Variants in ST8SIA6 observed in about 807,000 individuals in gnomAD.
The protein encoded by ST8SIA6 is alpha-2,8-sialyltransferase 8F.
In ST8SIA6, 39 loss-of-function variants were observed where a neutral mutation model predicts 33.6. That is an observed-to-expected ratio of 1.16 (90% CI 0.90 to 1.52). The LOEUF (loss-of-function observed/expected upper bound fraction) is 1.52. ST8SIA6 is among the 40% of genes most tolerant of loss of function. ST8SIA6 has a pLI of 0.00. For missense variants in ST8SIA6, 441 were observed against 443.8 expected (o/e 0.99, Z 0.06); for synonymous variants, 172 against 167.2 (o/e 1.03, Z -0.22).
intron 3 of ST8SIA6, among the ~76,000 whole-genome samples, chr10:17,360,565 C>G (rs1274787009): frequency 1.5e-5 from 2 of 130,364 alleles, no homozygotes; most frequent in African/African-American, 2.9e-5. Flanking sequence ...AATGCATGAA[C>G]TATAGAACAA....
intron 2 of ST8SIA6, among the ~76,000 whole-genome samples, chr10:17,419,585 G>T (rs150639098): frequency 6.6e-6 from 1 of 152,106 alleles, no homozygotes; most frequent in Non-Finnish European, 1.5e-5. Context: ...ACACAGTCGC[G>T]TTTCCATTGC....
At chr10:17,325,985 G>T (rs949094733) in intron 6 of ST8SIA6, among the ~76,000 whole-genome samples, 8 of 152,168 alleles carry the variant, frequency 5.3e-5, no homozygotes, top group Admixed American at 2.0e-4. Context: ...ACTGCAAGAA[G>T]AATTATCTTC....
At chr10:17,384,272 A>ACGAAACT (rs1422962095) in intron 3 of ST8SIA6, among the ~76,000 whole-genome samples, 1 of 152,236 alleles carries the variant, frequency 6.6e-6, no homozygotes, top group African/African-American at 2.4e-5. Flanking sequence ...GAGGAAATTC[A>ACGAAACT]CGAAACTCGT....
At chr10:17,427,001 T>C (rs898098100) in intron 2 of ST8SIA6, among the ~76,000 whole-genome samples, 4 of 151,052 alleles carry the variant, frequency 2.6e-5, no homozygotes, top group African/African-American at 9.8e-5. Flanking sequence ...ACTTGGGAGG[T>C]TGAGACAGGA....
chr10:17,358,184 A>G (rs1849259026), intron 4 of ST8SIA6, among the ~76,000 whole-genome samples: 1 of 152,102 alleles, frequency 6.6e-6, no homozygotes, highest in Admixed American at 6.6e-5. Context: ...AGATATACCC[A>G]TTTTAGCTTT....
chr10:17,438,620 C>G (rs1852365743), intron 2 of ST8SIA6, among the ~76,000 whole-genome samples: 2 of 152,210 alleles, frequency 1.3e-5, no homozygotes, highest in Non-Finnish European at 2.9e-5. Context: ...CTTTCCCTTC[C>G]CTTCCTACAC....
intron 4 of ST8SIA6, among the ~76,000 whole-genome samples, chr10:17,352,480 T>C (rs563698387): frequency 9.8e-5 from 15 of 152,312 alleles, no homozygotes; most frequent in African/African-American, 3.6e-4. Flanking sequence ...ATTGTACCAG[T>C]GTAAACAATG....
chr10:17,339,346 G>T (rs1848603140), intron 4 of ST8SIA6, among the ~76,000 whole-genome samples: 1 of 152,216 alleles, frequency 6.6e-6, no homozygotes, highest in South Asian at 2.1e-4. Context: ...TAAACTCTGA[G>T]CCTCCCTAAT....
chr10:17,373,509 C>T (rs1009913520), intron 3 of ST8SIA6, among the ~76,000 whole-genome samples: 1 of 152,152 alleles, frequency 6.6e-6, no homozygotes, highest in Non-Finnish European at 1.5e-5. Flanking sequence ...CTATGGTCCA[C>T]GCTGGAGACT....
chr10:17,393,421 A>G (rs914652579), intron 2 of ST8SIA6, among the ~76,000 whole-genome samples: 2 of 152,220 alleles, frequency 1.3e-5, no homozygotes, highest in African/African-American at 4.8e-5. Flanking sequence ...TGGCACCTTC[A>G]TTTCAATAAG....
intron 4 of ST8SIA6, among the ~76,000 whole-genome samples, chr10:17,340,876 AC>A (rs1262037778): frequency 1.1e-4 from 17 of 152,024 alleles, no homozygotes; most frequent in Admixed American, 1.1e-3. Context: ...TAGAAGACTT[AC>A]CCCCTGCACC....
chr10:17,336,997 A>G (rs1428036312), intron 4 of ST8SIA6, among the ~76,000 whole-genome samples: 1 of 152,092 alleles, frequency 6.6e-6, no homozygotes, highest in African/African-American at 2.4e-5. Flanking sequence ...TCCTCATCCA[A>G]ACCTCATGAC....
At chr10:17,400,348 A>G (rs1043555669) in intron 2 of ST8SIA6, among the ~76,000 whole-genome samples, 1 of 152,224 alleles carries the variant, frequency 6.6e-6, no homozygotes, top group Non-Finnish European at 1.5e-5. Flanking sequence ...CCTGGTTAAC[A>G]TGGTGAAACC....
intron 2 of ST8SIA6, among the ~76,000 whole-genome samples, chr10:17,413,893 A>AT (rs1588902457): frequency 6.6e-6 from 1 of 152,114 alleles, no homozygotes; most frequent in African/African-American, 2.4e-5. Flanking sequence ...TGAAGTGGGT[A>AT]TTTTTTATCA....
intron 3 of ST8SIA6, among the ~76,000 whole-genome samples, chr10:17,361,517 A>AACACACAC (rs35428636): frequency 4.7e-4 from 68 of 146,198 alleles, no homozygotes; most frequent in Non-Finnish European, 6.9e-4. Context: ...CTTCCTACAA[A>AACACACAC]ACACACACAC....
chr10:17,340,228 C>T (rs1325429646), intron 4 of ST8SIA6, among the ~76,000 whole-genome samples: 4 of 152,184 alleles, frequency 2.6e-5, no homozygotes, highest in Admixed American at 6.5e-5. Context: ...AACCTTCCCA[C>T]CAGTTCTCAT....
intron 5 of ST8SIA6, among the ~76,000 whole-genome samples, chr10:17,328,489 A>G (rs1279399930): frequency 1.3e-5 from 2 of 152,194 alleles, no homozygotes; most frequent in East Asian, 3.9e-4. Context: ...CTTTCCATGA[A>G]GTAATAATGT....
At chr10:17,394,310 G>T (rs1850723857) in intron 2 of ST8SIA6, among the ~76,000 whole-genome samples, 1 of 150,788 alleles carries the variant, frequency 6.6e-6, no homozygotes, top group Non-Finnish European at 1.5e-5. Context: ...CTGAATCTGG[G>T]CTCCACTCTC....
intron 2 of ST8SIA6, chr10:17,410,133 A>G (rs1851405343): frequency 6.6e-6 from 1 of 152,342 alleles, no homozygotes; most frequent in East Asian, 1.9e-4. Flanking sequence ...TGTATCTTCT[A>G]AAGACTGTTT....
Sources: gnomAD v4.1 joint callset for allele counts (sites outside exome capture counted in the v4.1 genomes callset) on GRCh38, gnomAD v4.1.1 for gene constraint, MANE v1.5 for transcripts, NCBI Gene and HGNC (gene_info 2026-07-23, HGNC 2026-07-21) for gene names.